The following CLTC variants were observed in gnomAD, a reference collection of about 807,000 sequenced individuals.
CLTC encodes clathrin heavy chain.
Under a neutral mutation model 195.8 loss-of-function variants are expected in CLTC, and 16 were observed. The ratio of observed to expected loss-of-function variants is 0.08; its 90% CI spans 0.06 to 0.12. The LOEUF is 0.12. Ranked by LOEUF, CLTC falls within the 10% of genes least tolerant of loss-of-function variation. The pLI, the probability that CLTC is intolerant of heterozygous loss-of-function variation, is 1.00. For synonymous variants in CLTC, 667 were observed against 689.4 expected, an observed-to-expected ratio of 0.97 and a Z score of 0.51; for missense variants, 796 against 2,027.0, an observed-to-expected ratio of 0.39 and a Z score of 11.66.
At chr17:59,645,796 A>G (rs1423996154) in intron 2 of CLTC, among the ~76,000 whole-genome samples, 1 of 152,202 alleles carries the variant, frequency 6.6e-6, no homozygotes, top group Non-Finnish European at 1.5e-5. Flanking sequence ...CAGCTTTCAC[A>G]TAGGACCAGA....
At chr17:59,657,109 G>T (rs1281451277) in intron 6 of CLTC, among the ~76,000 whole-genome samples, 1 of 152,068 alleles carries the variant, frequency 6.6e-6, no homozygotes, top group Non-Finnish European at 1.5e-5. Context: ...CAGATAATAA[G>T]CAAAGGAAGT....
chr17:59,655,542 A>G (rs1225924344), intron 5 of CLTC, among the ~76,000 whole-genome samples: 1 of 149,396 alleles, frequency 6.7e-6, no homozygotes, highest in Admixed American at 6.6e-5. Context: ...GTTGCCATAA[A>G]CCTTCCATTC....
chr17:59,655,513 T>C lies in CLTC; in HGVS notation c.796-341T>C, dbSNP rs1033951230. 2.0e-5 allele frequency among the ~76,000 whole-genome samples: 3 copies of C among 152,192 alleles called. No homozygotes were observed. In the South Asian group the frequency reaches 6.2e-4, roughly 32 times the overall value. The stretch of plus-strand genomic sequence containing the variant: ...ACATGCTGTTGGAAAATAGTGCCAA[T>C]AGGCTTGCTCGATGCAGGGTTGCCA... On this transcript the variant is annotated intron_variant, in intron 5 of 31. Coordinates refer to ENST00000269122, the MANE Select transcript of CLTC (RefSeq NM_004859.4).
chr17:59,677,038 C>T lies in CLTC; in HGVS notation c.2646C>T (p.Ile882=), dbSNP rs760288784. ...EPATHNALAK[I]YIDSNNNPER... ...CTACTCACAATGCCTTAGCCAAAAT[C>T]TACATAGACAGTAATAACAACCCGG... Residue 882 remains isoleucine, a synonymous_variant, in exon 17 of 32, where the codon ATC becomes ATT. Transcript: ENST00000269122. 11 of 1,614,062 alleles carry T rather than the reference C, an allele frequency of 6.8e-6. No individual in the cohort carries two copies. The East Asian group carries it at 2.5e-4, about 36-fold the overall frequency.
intron 31 of CLTC, among the ~76,000 whole-genome samples, chr17:59,691,448 C>G (rs901308094): frequency 2.0e-5 from 3 of 151,816 alleles, no homozygotes; most frequent in South Asian, 2.1e-4. Context: ...CACAGTGAAT[C>G]GCCGTGTCTA....
At chr17:59,623,174 G>A (rs2031436939) in intron 1 of CLTC, among the ~76,000 whole-genome samples, 1 of 152,074 alleles carries the variant, frequency 6.6e-6, no homozygotes, top group Admixed American at 6.5e-5. Flanking sequence ...TCCCTACCCT[G>A]TTCTTTCCCC....
At chr17:59,667,828 T>C (rs2032764874) in intron 13 of CLTC, among the ~76,000 whole-genome samples, 1 of 152,214 alleles carries the variant, frequency 6.6e-6, no homozygotes, top group Non-Finnish European at 1.5e-5. Context: ...ACGTAATCAC[T>C]GTTGGGTGTC....
At chr17:59,651,822 G>A (rs1031138315) in intron 5 of CLTC, among the ~76,000 whole-genome samples, 2 of 152,156 alleles carry the variant, frequency 1.3e-5, no homozygotes, top group African/African-American at 4.8e-5. Context: ...TGGCAGTTTC[G>A]TAAAATAAGA....
chr17:59,659,220 G>A (rs563148167), intron 6 of CLTC, among the ~76,000 whole-genome samples: 2 of 152,200 alleles, frequency 1.3e-5, no homozygotes, highest in South Asian at 2.1e-4. Context: ...GGTAATATGA[G>A]TAGTTTATAA....
In CLTC at chr17:59,644,613, C is replaced by T. The variant is rs543030446; in HGVS notation, c.250+130C>T. 1.2e-4 allele frequency: 88 copies of T among 744,688 alleles called. No homozygotes were observed. The East Asian group carries it at 1.9e-3, about 16-fold the overall frequency. 46.1% of individuals were successfully genotyped at this position (744,688 alleles called of 1,614,324 possible). On this transcript the variant is annotated intron_variant, in intron 2 of 31. Coordinates refer to ENST00000269122, the MANE Select transcript of CLTC (RefSeq NM_004859.4). ...TCACCCAGGCTGGAGTGCAATGGCA[C>T]GATCTTGGCTCACTGCAATCTCCAC... is the stretch of plus-strand genomic sequence containing the variant.
Position 59,682,516 on chromosome 17 carries a change from A to G in CLTC, c.3600+88A>G. ...AAAACATCATAACTGAAGAATTCCA[A>G]GGAAAAATCTATAGGAAAACAAATT... On this transcript the variant is annotated intron_variant, in intron 22 of 31. Transcript: ENST00000269122. The surrounding 1 kb of genome is among the most constrained non-coding windows in gnomAD (Gnocchi z 6.8). The G allele has an allele frequency of 6.3e-7, 1 of 1,581,362 alleles. No homozygotes were observed. The highest frequency in any genetic ancestry group is 8.6e-7 in the Non-Finnish European group (1 of 1,160,926).
intron 1 of CLTC, among the ~76,000 whole-genome samples, chr17:59,638,343 A>T (rs2031929409): frequency 6.6e-6 from 1 of 152,136 alleles, no homozygotes; most frequent in African/African-American, 2.4e-5. Flanking sequence ...CTCTTAAAAA[A>T]AAACAGAAGG....
chr17:59,648,170 C>T lies in CLTC; in HGVS notation c.520-70C>T. The T allele has an allele frequency of 3.8e-6, 5 of 1,330,604 alleles. No individual in the cohort carries two copies. The highest frequency in any genetic ancestry group is 4.1e-6 in the Non-Finnish European group (4 of 968,426). 82.4% of individuals were successfully genotyped at this position (1,330,604 alleles called of 1,614,324 possible). On this transcript the variant is annotated intron_variant, in intron 3 of 31. Coordinates refer to ENST00000269122, the MANE Select transcript of CLTC (RefSeq NM_004859.4). This position sits in a 1 kb window ranked among gnomAD's most constrained non-coding sequence, Gnocchi z 4.5. ...AGATGACAAAGCATTCTAATTATTTCATTACTTGATGAATCTGAGAGTTTT... is the reference window on the plus strand; with the variant it reads ...AGATGACAAAGCATTCTAATTATTTTATTACTTGATGAATCTGAGAGTTTT...
intron 8 of CLTC, among the ~76,000 whole-genome samples, chr17:59,663,435 A>G (rs1489139763): frequency 1.3e-5 from 2 of 152,186 alleles, no homozygotes; most frequent in African/African-American, 4.8e-5. Context: ...TCATTATCAA[A>G]TTTTCAGTTG....
At chr17:59,674,597 G>GA (rs901083312) in intron 15 of CLTC, 104 bp from the exon 16 acceptor site, 5,451 of 1,047,788 alleles carry the variant, frequency 5.2e-3, no homozygotes, top group Middle Eastern at 6.1e-3. Flanking sequence ...TGAACTTAAA[G>GA]AAAAAAAAAC....
chr17:59,693,456 G>A (rs2033355719), intron 31 of CLTC, among the ~76,000 whole-genome samples: 1 of 151,120 alleles, frequency 6.6e-6, no homozygotes, highest in Admixed American at 6.6e-5. Context: ...GTAGGTATGT[G>A]TCAAGTATAC....
Position 59,685,822 on chromosome 17 carries a change from T to C in CLTC, c.4827+14T>C. ...TACTTGACAAAGGTAATGACTCTTC[T>C]AAGTGTATTCAGAACTAGTTTCCTT... is the stretch of plus-strand genomic sequence containing the variant. On this transcript the variant is annotated intron_variant, in intron 30 of 31. Transcript: ENST00000269122. The surrounding 1 kb of genome is among the most constrained non-coding windows in gnomAD (Gnocchi z 5.0). The C allele has an allele frequency of 6.3e-7, 1 of 1,586,038 alleles. No individual in the cohort carries two copies.
At position 59,679,439 on chromosome 17, in the gene CLTC, C is replaced by A; in HGVS notation, c.2839C>A (p.Leu947Met). 6.2e-7 allele frequency: 1 copy of A among 1,608,758 alleles called. No individual in the cohort carries two copies. ...CCTCTTCAAAAGTCTTTCTCGCTAC[C>A]TGGTACGTCGAAAGGATCCAGAATT... ...NSLFKSLSRYLVRRKDPELWG... is the reference protein window; with the variant it reads ...NSLFKSLSRYMVRRKDPELWG... The change falls in exon 18 of 32, where the codon CTG becomes ATG. Residue 947 changes from leucine (L) to methionine (M), a missense_variant. By Grantham distance (15) the Leu-to-Met change is conservative. Transcript: ENST00000269122.
Position 59,675,031 on chromosome 17 carries a change from C to T in CLTC, c.2561+188C>T, listed in dbSNP as rs373730039. ...AAATCTGTTTTCTGAAACATTATAG[C>T]TGTCATAGGAGATCTGTTAACTTGG... On this transcript the variant is annotated intron_variant, in intron 16 of 31. Coordinates refer to ENST00000269122, the MANE Select transcript of CLTC (RefSeq NM_004859.4). 2.4e-4 allele frequency among the ~76,000 whole-genome samples: 37 copies of T among 152,100 alleles called. 1 individual carries two copies. The East Asian group carries it at 3.3e-3, about 13-fold the overall frequency.
Sources: gnomAD v4.1 joint callset for allele counts (sites outside exome capture counted in the v4.1 genomes callset) on GRCh38, gnomAD v4.1.1 for gene constraint, Gnocchi (gnomAD v3.1) non-coding constraint, MANE v1.5 for transcripts, NCBI Gene and HGNC (gene_info 2026-07-23, HGNC 2026-07-21) for gene names.